The following DMD variants were observed in gnomAD, a reference collection of about 807,000 sequenced individuals.
DMD encodes the protein dystrophin.
A neutral mutation model predicts 330.1 loss-of-function variants in DMD; 63 were observed. The ratio of observed to expected loss-of-function variants is 0.19; its 90% confidence interval spans 0.16 to 0.24. The LOEUF (loss-of-function observed/expected upper bound fraction) is 0.24, where lower values mean the gene tolerates loss of function less well. DMD is among the 10% of genes least tolerant of loss of function. The pLI is 1.00. For synonymous variants in DMD, 1,223 were observed against 959.8 expected, an observed-to-expected ratio of 1.27 and a Z score of -5.07; for missense variants, 3,344 against 2,684.1, an observed-to-expected ratio of 1.25 and a Z score of -5.43.
rs749563885 is a variant in DMD at position 32,730,828 on chromosome X, A to G, written c.650-31535T>C. Among the ~76,000 whole-genome samples the G allele has an allele frequency of 3.6e-5, 4 of 112,150 alleles. No individual in the cohort carries two copies. In the South Asian group the frequency reaches 1.5e-3, roughly 41 times the overall value. On this transcript the variant is annotated intron_variant, in intron 7 of 78. Coordinates refer to ENST00000357033, the MANE Select transcript of DMD (RefSeq NM_004006.3). ...CAGAAAATTTTCAGCCATGAGCAGA[A>G]AAAGAGTAGGAATAGAGCCTACCAG...
At chrX:31,557,834 T>C (rs1175704559) in intron 55 of DMD, among the ~76,000 whole-genome samples, 1 of 109,710 alleles carries the variant, frequency 9.1e-6, no homozygotes, top group African/African-American at 3.3e-5. Flanking sequence ...GGCATAGACG[T>C]GATACTCACA....
intron 9 of DMD, among the ~76,000 whole-genome samples, chrX:32,686,143 C>T (rs2062843015): frequency 9.0e-6 from 1 of 111,671 alleles, no homozygotes; most frequent in Non-Finnish European, 1.9e-5. Flanking sequence ...AGCATTATTA[C>T]ATTTTTTCAC....
chrX:32,300,808 A>T (rs1195170922), intron 42 of DMD, among the ~76,000 whole-genome samples: 1 of 111,069 alleles, frequency 9.0e-6, no homozygotes, highest in Non-Finnish European at 1.9e-5. Flanking sequence ...GGTTTTATGG[A>T]GGAAAAATTC....
intron 18 of DMD, among the ~76,000 whole-genome samples, chrX:32,510,622 C>T (rs1394358792): frequency 1.8e-5 from 2 of 111,348 alleles, no homozygotes; most frequent in African/African-American, 3.3e-5. Flanking sequence ...TTTAGCGTAA[C>T]GCGTCCATAT....
intron 7 of DMD, among the ~76,000 whole-genome samples, chrX:32,717,811 C>A (rs923863822): frequency 2.2e-4 from 24 of 111,603 alleles, no homozygotes; most frequent in Admixed American, 9.5e-4. Flanking sequence ...GGGAGCCTGT[C>A]CCTTGCATCA....
At chrX:31,302,710 T>C (rs907400555) in intron 62 of DMD, among the ~76,000 whole-genome samples, 28 of 110,620 alleles carry the variant, frequency 2.5e-4, no homozygotes, top group African/African-American at 8.2e-4. Context: ...CAGTATTAAG[T>C]AGGGCTCTAG....
chrX:31,503,959 A>G (rs2070681144), intron 56 of DMD, among the ~76,000 whole-genome samples: 1 of 111,195 alleles, frequency 9.0e-6, no homozygotes, highest in African/African-American at 3.3e-5. Context: ...ATGATTAAAT[A>G]TAACTTCATT....
intron 51 of DMD, among the ~76,000 whole-genome samples, chrX:31,772,076 A>T (rs2090374689): frequency 8.9e-6 from 1 of 112,261 alleles, no homozygotes; most frequent in South Asian, 3.7e-4. Context: ...TAATATTATG[A>T]TGTGATATAC....
At chrX:32,705,514 G>A (rs1603207579) in intron 7 of DMD, among the ~76,000 whole-genome samples, 1 of 111,909 alleles carries the variant, frequency 8.9e-6, no homozygotes, top group South Asian at 3.7e-4. Flanking sequence ...CTTGTTACAA[G>A]TAGAAAACAG....
chrX:31,811,844 A>G (rs542633891), intron 50 of DMD, among the ~76,000 whole-genome samples: 6 of 111,857 alleles, frequency 5.4e-5, no homozygotes, highest in African/African-American at 1.9e-4. Flanking sequence ...CATAACCACA[A>G]CAGGAAAGGG....
chrX:32,429,514 G>A (rs913402793), intron 29 of DMD, among the ~76,000 whole-genome samples: 8 of 102,767 alleles, frequency 7.8e-5, no homozygotes, highest in Non-Finnish European at 1.2e-4. Flanking sequence ...ACGCCCGGCC[G>A]CTGGTATTTT....
chrX:32,005,282 T>G (rs2150376959), intron 44 of DMD, among the ~76,000 whole-genome samples: 1 of 111,491 alleles, frequency 9.0e-6, no homozygotes, highest in East Asian at 2.8e-4. Flanking sequence ...AGCAAGAAAT[T>G]AGCTTTTTAT....
At chrX:31,724,039 C>T (rs2085804477) in intron 52 of DMD, among the ~76,000 whole-genome samples, 1 of 112,299 alleles carries the variant, frequency 8.9e-6, no homozygotes, top group African/African-American at 3.2e-5. Flanking sequence ...ACAGAGTAGG[C>T]ATTCAAACGT....
At chrX:31,587,761 C>A (rs189442292) in intron 55 of DMD, among the ~76,000 whole-genome samples, 151 of 111,446 alleles carry the variant, frequency 1.4e-3, no homozygotes, top group African/African-American at 4.7e-3. Context: ...CTCTCTCCCC[C>A]CGTACTCTCA....
At chrX:32,353,472 G>A (rs769257203) in intron 37 of DMD, among the ~76,000 whole-genome samples, 19 of 111,425 alleles carry the variant, frequency 1.7e-4, no homozygotes, top group Non-Finnish European at 3.2e-4. Context: ...ACAGTTGAAA[G>A]CAATGGCTGA....
intron 44 of DMD, among the ~76,000 whole-genome samples, chrX:32,061,399 G>GAC (rs1201139641): frequency 9.0e-6 from 1 of 111,085 alleles, no homozygotes; most frequent in Admixed American, 9.6e-5. Flanking sequence ...TCAGTACGAT[G>GAC]ACAAGAAACT....
intron 1 of DMD, among the ~76,000 whole-genome samples, chrX:33,147,418 G>A (rs1292986827): frequency 8.9e-6 from 1 of 112,151 alleles, no homozygotes; most frequent in Non-Finnish European, 1.9e-5. Context: ...CGGAATGGCA[G>A]TTGACACATT....
intron 44 of DMD, among the ~76,000 whole-genome samples, chrX:31,970,379 C>T (rs975512712): frequency 9.1e-6 from 1 of 110,222 alleles, no homozygotes; most frequent in Admixed American, 9.7e-5. Context: ...AATAAATAAG[C>T]ACAATTTTCT....
At chrX:32,753,640 C>A (rs750192975) in intron 7 of DMD, among the ~76,000 whole-genome samples, 6 of 112,049 alleles carry the variant, frequency 5.4e-5, no homozygotes, top group Non-Finnish European at 1.1e-4. Context: ...ACTAAAGACT[C>A]TTGATGCTTT....
Sources: gnomAD v4.1 joint callset for allele counts (sites outside exome capture counted in the v4.1 genomes callset) on GRCh38, gnomAD v4.1.1 for gene constraint, MANE v1.5 for transcripts, NCBI Gene and HGNC (gene_info 2026-07-23, HGNC 2026-07-21) for gene names.